Variants in GRIN2B observed in about 807,000 individuals in gnomAD.
The protein encoded by GRIN2B is glutamate receptor ionotropic, NMDA 2B.
Under a neutral mutation model 114.5 loss-of-function variants are expected in GRIN2B, and 5 were observed. The ratio of observed to expected loss-of-function variants is 0.04; its 90% CI spans 0.02 to 0.09. The LOEUF is 0.09. Among genes scored for constraint, GRIN2B ranks in the 10% least tolerant of loss-of-function variants. The probability of loss-of-function intolerance (pLI) is 1.00; values close to 1 mark genes in which losing one functional copy is unlikely to be tolerated. For missense variants in GRIN2B, 1,108 were observed against 1,943.5 expected, an observed-to-expected ratio of 0.57 and a Z score of 8.08; for synonymous variants, 787 against 745.1, an observed-to-expected ratio of 1.06 and a Z score of -0.92.
chr12:13,885,977 A>C (rs1025842958), intron 2 of GRIN2B, among the ~76,000 whole-genome samples: 3 of 152,158 alleles, frequency 2.0e-5, no homozygotes, highest in African/African-American at 7.2e-5. Flanking sequence ...TAAATTTGGA[A>C]ATCTACATTT....
At chr12:13,955,885 A>AG (rs987229852) in intron 2 of GRIN2B, among the ~76,000 whole-genome samples, 15 of 152,304 alleles carry the variant, frequency 9.8e-5, no homozygotes, top group African/African-American at 3.6e-4. Flanking sequence ...CTGGCTCTCC[A>AG]GGGGGCCCCA....
intron 5 of GRIN2B, among the ~76,000 whole-genome samples, chr12:13,622,245 A>C (rs1025724389): frequency 6.6e-6 from 1 of 152,222 alleles, no homozygotes; most frequent in African/African-American, 2.4e-5. Flanking sequence ...AACATGAAAC[A>C]CTTGCTGCTT....
At chr12:13,823,434 GTATT>G (rs1565551171) in intron 3 of GRIN2B, among the ~76,000 whole-genome samples, 1 of 151,888 alleles carries the variant, frequency 6.6e-6, no homozygotes, top group Non-Finnish European at 1.5e-5. Flanking sequence ...ACTATAAATA[GTATT>G]TTATTTAAAT....
chr12:13,737,063 A>T (rs1043330925), intron 4 of GRIN2B, among the ~76,000 whole-genome samples: 5 of 151,644 alleles, frequency 3.3e-5, no homozygotes, highest in Non-Finnish European at 7.4e-5. Context: ...GAAAAAGAAC[A>T]TGCAACATAC....
At chr12:13,947,172 T>G (rs1016068074) in intron 2 of GRIN2B, among the ~76,000 whole-genome samples, 2 of 152,210 alleles carry the variant, frequency 1.3e-5, no homozygotes, top group African/African-American at 4.8e-5. Context: ...TTCTCCAGTT[T>G]GTTGCTGTGT....
At chr12:13,758,080 G>T (rs1014185664) in intron 3 of GRIN2B, among the ~76,000 whole-genome samples, 6 of 152,134 alleles carry the variant, frequency 3.9e-5, no homozygotes, top group Non-Finnish European at 8.8e-5. Flanking sequence ...TGGGGTAAAT[G>T]GGACTGAATG....
At chr12:13,707,586 A>G (rs1357916663) in intron 4 of GRIN2B, among the ~76,000 whole-genome samples, 1 of 152,108 alleles carries the variant, frequency 6.6e-6, no homozygotes, top group Non-Finnish European at 1.5e-5. Flanking sequence ...ATAAACAACT[A>G]AATCAGGGAA....
chr12:13,718,542 C>T (rs1438106123), intron 4 of GRIN2B, among the ~76,000 whole-genome samples: 1 of 152,018 alleles, frequency 6.6e-6, no homozygotes, highest in Non-Finnish European at 1.5e-5. Context: ...GTGTGCTTTG[C>T]CCTACAGCAT....
intron 2 of GRIN2B, among the ~76,000 whole-genome samples, chr12:13,967,363 G>A (rs1368033744): frequency 2.0e-5 from 3 of 152,190 alleles, no homozygotes; most frequent in Admixed American, 6.5e-5. Flanking sequence ...ACAAAGCTTA[G>A]AGCAAAGAGT....
intron 3 of GRIN2B, among the ~76,000 whole-genome samples, chr12:13,834,250 A>G (rs1361398797): frequency 2.1e-5 from 3 of 144,698 alleles, no homozygotes; most frequent in Admixed American, 7.1e-5. Flanking sequence ...TGTTAGCCAC[A>G]ATGGTCTGGA....
At chr12:13,817,726 T>A (rs1240763932) in intron 3 of GRIN2B, among the ~76,000 whole-genome samples, 1 of 152,142 alleles carries the variant, frequency 6.6e-6, no homozygotes, top group Non-Finnish European at 1.5e-5. Context: ...AGAGCCCACA[T>A]ATATAGGCAA....
chr12:13,757,616 A>G (rs1437168559), intron 3 of GRIN2B, among the ~76,000 whole-genome samples: 2 of 152,176 alleles, frequency 1.3e-5, no homozygotes, highest in Non-Finnish European at 2.9e-5. Context: ...GTCTCCTCCT[A>G]GTGAAGAATC....
At chr12:13,775,576 A>G (rs1863989923) in intron 3 of GRIN2B, among the ~76,000 whole-genome samples, 1 of 152,214 alleles carries the variant, frequency 6.6e-6, no homozygotes, top group Non-Finnish European at 1.5e-5. Flanking sequence ...GTTTCTTAGA[A>G]ATAGAATTAG....
chr12:13,967,931 T>C (rs1867814996), intron 2 of GRIN2B, among the ~76,000 whole-genome samples: 1 of 152,196 alleles, frequency 6.6e-6, no homozygotes, highest in Non-Finnish European at 1.5e-5. Flanking sequence ...TGTGTCACCA[T>C]CTCCATCTCT....
At chr12:13,572,425 T>C (rs1442891013) in intron 10 of GRIN2B, among the ~76,000 whole-genome samples, 8 of 152,232 alleles carry the variant, frequency 5.3e-5, no homozygotes, top group African/African-American at 1.9e-4. Context: ...AGGTGAGCTA[T>C]GTGGTACTCC....
chr12:13,632,996 A>G (rs1949629919), intron 5 of GRIN2B, among the ~76,000 whole-genome samples: 1 of 152,162 alleles, frequency 6.6e-6, no homozygotes, highest in South Asian at 2.1e-4. Context: ...GGAGAAGCAA[A>G]AGAGAGACTG....
intron 2 of GRIN2B, among the ~76,000 whole-genome samples, chr12:13,867,226 T>C (rs947084612): frequency 6.6e-6 from 1 of 152,180 alleles, no homozygotes; most frequent in Non-Finnish European, 1.5e-5. Flanking sequence ...AAATGACTGA[T>C]ACCGTATTTT....
chr12:13,746,488 C>T (rs1863386059), intron 4 of GRIN2B, among the ~76,000 whole-genome samples: 1 of 152,140 alleles, frequency 6.6e-6, no homozygotes, highest in Non-Finnish European at 1.5e-5. Context: ...GACCATATTC[C>T]GTCTGTATCT....
chr12:13,641,913 C>T (rs928388443), intron 5 of GRIN2B, among the ~76,000 whole-genome samples: 1 of 152,092 alleles, frequency 6.6e-6, no homozygotes, highest in African/African-American at 2.4e-5. Flanking sequence ...TAAGGTCAGG[C>T]GTGATGGCTC....
Sources: gnomAD v4.1 joint callset for allele counts (sites outside exome capture counted in the v4.1 genomes callset) on GRCh38, gnomAD v4.1.1 for gene constraint, MANE v1.5 for transcripts, NCBI Gene and HGNC (gene_info 2026-07-23, HGNC 2026-07-21) for gene names.